The following CREBRF variants were observed in gnomAD, a reference collection of about 807,000 sequenced individuals.
CREBRF encodes CREB3 regulatory factor.
Under a neutral mutation model 66.1 loss-of-function variants are expected in CREBRF, and 5 were observed. The observed-to-expected ratio is 0.08, with a 90% confidence interval of 0.04 to 0.16. The LOEUF is 0.16. Ranked by LOEUF, CREBRF falls within the 10% of genes least tolerant of loss-of-function variation. CREBRF has a pLI of 1.00. For synonymous variants in CREBRF, 229 were observed against 264.4 expected (o/e 0.87, Z 1.30); for missense variants, 531 against 744.9 (o/e 0.71, Z 3.34).
intron 1 of CREBRF, among the ~76,000 whole-genome samples, chr5:173,066,950 G>T (rs1561791503): frequency 6.6e-6 from 1 of 151,484 alleles, no homozygotes; most frequent in Non-Finnish European, 1.5e-5. Flanking sequence ...GAGTGTCTGG[G>T]ACTACAGGTG....
At chr5:173,117,662 C>T (rs1210559033) in intron 7 of CREBRF, among the ~76,000 whole-genome samples, 2 of 128,150 alleles carry the variant, frequency 1.6e-5, no homozygotes, top group Non-Finnish European at 3.4e-5. Flanking sequence ...CTCTCTCTCT[C>T]TCTTTCTTTT....
chr5:173,103,677 G>A (rs912327295), intron 4 of CREBRF, among the ~76,000 whole-genome samples: 1 of 152,168 alleles, frequency 6.6e-6, no homozygotes, highest in South Asian at 2.1e-4. Context: ...TTCTGGATTG[G>A]CTCCCAAATT....
At chr5:173,109,640 A>G (rs1456373895) in intron 5 of CREBRF, 1 of 152,192 alleles carries the variant, frequency 6.6e-6, no homozygotes, top group Non-Finnish European at 1.5e-5. Flanking sequence ...CAAAGTCTTT[A>G]CTGAAAAAAG....
chr5:173,076,080 GTAAT>G (rs1402552130), intron 1 of CREBRF, among the ~76,000 whole-genome samples: 4 of 129,532 alleles, frequency 3.1e-5, no homozygotes, highest in East Asian at 2.1e-4. Flanking sequence ...AAAAAAAAAA[GTAAT>G]TAAGTAAAAG....
intron 8 of CREBRF, chr5:173,124,616 CT>C (rs1451281752): frequency 6.7e-6 from 1 of 149,564 alleles, no homozygotes; most frequent in Non-Finnish European, 1.5e-5. Context: ...TTATTTTTTC[CT>C]TATAAGTACT....
At chr5:173,128,188 G>T (rs1188380746) in intron 8 of CREBRF, among the ~76,000 whole-genome samples, 1 of 151,988 alleles carries the variant, frequency 6.6e-6, no homozygotes, top group Non-Finnish European at 1.5e-5. Flanking sequence ...ATTGTTTTCT[G>T]AATACTTTGA....
chr5:173,093,097 T>C (rs543578820), intron 4 of CREBRF, among the ~76,000 whole-genome samples: 2 of 152,272 alleles, frequency 1.3e-5, no homozygotes, highest in East Asian at 3.9e-4. Context: ...ATTGGTCCTG[T>C]TGCTTTGAGT....
intron 8 of CREBRF, among the ~76,000 whole-genome samples, chr5:173,129,394 G>T (rs1422058524): frequency 2.6e-5 from 4 of 152,010 alleles, no homozygotes; most frequent in African/African-American, 9.7e-5. Flanking sequence ...GGGATTACAG[G>T]CATGAGCCAC....
At chr5:173,058,640 C>G (rs949324299) in intron 1 of CREBRF, among the ~76,000 whole-genome samples, 8 of 148,020 alleles carry the variant, frequency 5.4e-5, no homozygotes, top group African/African-American at 2.0e-4. Context: ...CCCGCCATCA[C>G]GCCCGGCTAA....
At chr5:173,128,841 C>T (rs1163821503) in intron 8 of CREBRF, among the ~76,000 whole-genome samples, 3 of 151,848 alleles carry the variant, frequency 2.0e-5, no homozygotes, top group Admixed American at 2.0e-4. Context: ...AGTGCAGTGG[C>T]TCGATCTCGG....
intron 1 of CREBRF, among the ~76,000 whole-genome samples, chr5:173,068,691 A>G (rs780216703): frequency 6.6e-6 from 1 of 152,092 alleles, no homozygotes; most frequent in Non-Finnish European, 1.5e-5. Flanking sequence ...CCTGGGGGCA[A>G]GGGTGTTAAG....
chr5:173,057,040 G>C (rs1185869609), intron 1 of CREBRF, among the ~76,000 whole-genome samples: 1 of 152,084 alleles, frequency 6.6e-6, no homozygotes, highest in Non-Finnish European at 1.5e-5. Flanking sequence ...GGGCGTCTCG[G>C]GGGTAGCCGC....
intron 2 of CREBRF, 144 bp downstream of exon 2, chr5:173,080,928 C>T: frequency 2.7e-6 from 2 of 754,070 alleles, no homozygotes; most frequent in East Asian, 5.4e-5. Flanking sequence ...GTTTTGAGTA[C>T]ATGTTCTTCC....
chr5:173,059,022 C>T (rs1036481282), intron 1 of CREBRF, among the ~76,000 whole-genome samples: 5 of 151,560 alleles, frequency 3.3e-5, no homozygotes, highest in African/African-American at 1.2e-4. Flanking sequence ...TGGTCTCGAA[C>T]TTCTGGCTTT....
intron 7 of CREBRF, among the ~76,000 whole-genome samples, chr5:173,121,323 A>G (rs1425709011): frequency 6.9e-6 from 1 of 144,536 alleles, no homozygotes; most frequent in Admixed American, 6.8e-5. Context: ...CTTTGAGTTA[A>G]CTTGCTTTTT....
chr5:173,070,873 A>G (rs1326592489), intron 1 of CREBRF, among the ~76,000 whole-genome samples: 2 of 152,118 alleles, frequency 1.3e-5, no homozygotes, highest in African/African-American at 4.8e-5. Flanking sequence ...CCAGAAGGAC[A>G]TGTGGTCTTA....
At chr5:173,086,362 C>A in intron 2 of CREBRF, 139 bp from the exon 3 acceptor site, 1 of 750,868 alleles carries the variant, frequency 1.3e-6, no homozygotes, top group Non-Finnish European at 2.2e-6. Context: ...CTTAAATATA[C>A]TATACAGTAG....
intron 1 of CREBRF, among the ~76,000 whole-genome samples, chr5:173,059,590 A>G (rs1402556684): frequency 6.6e-6 from 1 of 152,130 alleles, no homozygotes; most frequent in African/African-American, 2.4e-5. Context: ...ATCAGGTGGC[A>G]TTGTGTTGCT....
chr5:173,063,291 C>G (rs1414257133), intron 1 of CREBRF, among the ~76,000 whole-genome samples: 1 of 152,192 alleles, frequency 6.6e-6, no homozygotes, highest in Non-Finnish European at 1.5e-5. Flanking sequence ...CTTTCAACAC[C>G]AAAACCACTT....
Sources: gnomAD v4.1 joint callset for allele counts (sites outside exome capture counted in the v4.1 genomes callset) on GRCh38, gnomAD v4.1.1 for gene constraint, MANE v1.5 for transcripts, NCBI Gene and HGNC (gene_info 2026-07-23, HGNC 2026-07-21) for gene names.